NEMP1: variants seen among roughly 807,000 people sequenced by gnomAD.
NEMP1 encodes nuclear envelope integral membrane protein 1, also known as transmembrane protein 194.
NEMP1 carries 29 observed loss-of-function variants against 53.7 expected under a neutral mutation model. That is an observed-to-expected ratio of 0.54 (90% CI 0.40 to 0.74). The LOEUF is 0.74. NEMP1 is among the 30% of genes least tolerant of loss of function. The pLI, the probability that NEMP1 is intolerant of heterozygous loss-of-function variation, is 0.00. For missense variants in NEMP1, 477 were observed against 528.6 expected, an observed-to-expected ratio of 0.90 and a Z score of 0.96; for synonymous variants, 193 against 192.9, an observed-to-expected ratio of 1.00 and a Z score of 0.00.
intron 1 of NEMP1, among the ~76,000 whole-genome samples, chr12:57,078,363 G>A (rs988598657): frequency 1.3e-5 from 2 of 151,968 alleles, no homozygotes; most frequent in Admixed American, 6.6e-5. Context: ...ACCAGTCTAG[G>A]CCTCCCTTCC....
At chr12:57,073,562 T>C (rs1241626291) in intron 1 of NEMP1, among the ~76,000 whole-genome samples, 1 of 152,040 alleles carries the variant, frequency 6.6e-6, no homozygotes, top group Non-Finnish European at 1.5e-5. Context: ...GAGAATCACT[T>C]GAACTTGGGA....
intron 1 of NEMP1, among the ~76,000 whole-genome samples, chr12:57,087,257 G>A (rs1442851272): frequency 6.6e-6 from 1 of 152,186 alleles, no homozygotes; most frequent in East Asian, 1.9e-4. Context: ...CCTTGGGCGG[G>A]CGTCTCCCTC....
chr12:57,066,917 T>C (rs1000826641), intron 4 of NEMP1, among the ~76,000 whole-genome samples: 9 of 152,250 alleles, frequency 5.9e-5, no homozygotes, highest in Admixed American at 5.2e-4. Flanking sequence ...AAGATGTGCC[T>C]TTTGCATTCT....
intron 2 of NEMP1, among the ~76,000 whole-genome samples, chr12:57,071,170 A>G (rs2032328547): frequency 6.6e-6 from 1 of 152,332 alleles, no homozygotes; most frequent in Non-Finnish European, 1.5e-5. Flanking sequence ...AAGACTTCCA[A>G]ACTGAAAGAG....
chr12:57,061,861 T>C (rs945257220), intron 7 of NEMP1, among the ~76,000 whole-genome samples: 1 of 151,858 alleles, frequency 6.6e-6, no homozygotes, highest in African/African-American at 2.4e-5. Flanking sequence ...TAGCTGGGCA[T>C]GGTGGCATGT....
At chr12:57,073,257 C>T (rs1026559075) in intron 1 of NEMP1, among the ~76,000 whole-genome samples, 30 of 151,770 alleles carry the variant, frequency 2.0e-4, no homozygotes, top group Middle Eastern at 3.4e-3. Context: ...CCTGGGTTCA[C>T]GCCATTCTCC....
upstream of NEMP1, among the ~76,000 whole-genome samples, chr12:57,083,674 G>A (rs879412718): frequency 1.3e-5 from 2 of 152,238 alleles, no homozygotes; most frequent in African/African-American, 2.4e-5. Context: ...AGATGGAAAA[G>A]TGAAAACTAT....
upstream of NEMP1, among the ~76,000 whole-genome samples, chr12:57,083,592 G>A (rs1195455780): frequency 6.6e-6 from 1 of 152,168 alleles, no homozygotes; most frequent in Non-Finnish European, 1.5e-5. Flanking sequence ...AATGCATCAG[G>A]ACAGCACCCA....
rs1274393866 is a variant in NEMP1 at position 57,055,707 on chromosome 12, A to G, written c.*4172T>C. The G allele has an allele frequency of 6.6e-6, 1 of 152,266 alleles. No homozygotes were observed. Among genetic ancestry groups the G allele is most frequent in the Non-Finnish European group, 1.5e-5 (1 of 68,044 alleles). 9.4% of individuals were successfully genotyped at this position (152,266 alleles called of 1,614,324 possible). On this transcript the variant is annotated 3_prime_UTR_variant, in exon 9 of 9. Coordinates refer to ENST00000300128, the MANE Select transcript of NEMP1 (RefSeq NM_001130963.2). ...TACCAAAAACTTTAAAAATACATTA[A>G]GACATTGTTCTTTTTTCTTACAGAA...
chr12:57,061,982 A>G (rs1017088561), intron 7 of NEMP1, among the ~76,000 whole-genome samples: 1 of 152,054 alleles, frequency 6.6e-6, no homozygotes, highest in Non-Finnish European at 1.5e-5. Flanking sequence ...CTGGTGACAG[A>G]GCAAGACTCC....
chr12:57,073,618 T>G (rs1038392416), intron 1 of NEMP1, among the ~76,000 whole-genome samples: 4 of 152,064 alleles, frequency 2.6e-5, no homozygotes, highest in Admixed American at 2.6e-4. Context: ...CACCCCAGCC[T>G]GGGCAAAAAG....
intron 4 of NEMP1, among the ~76,000 whole-genome samples, chr12:57,067,709 T>C (rs2136497026): frequency 6.6e-6 from 1 of 152,322 alleles, no homozygotes; most frequent in African/African-American, 2.4e-5. Flanking sequence ...AAGATTAGGA[T>C]TAAAGGTCTT....
chr12:57,064,160 AC>A lies in NEMP1; in HGVS notation c.664del (p.Val222TrpfsTer13). 1 of 1,609,238 alleles carries A rather than the reference AC, an allele frequency of 6.2e-7. No homozygotes were observed. Among genetic ancestry groups the A allele is most frequent in the Non-Finnish European group, 8.5e-7 (1 of 1,178,322 alleles). On this transcript the variant is annotated frameshift_variant, in exon 6 of 9. Transcript: ENST00000300128. LOFTEE classifies it high-confidence loss of function. ...PKKSPIYVIL[V>X]GGWSFSLYLI... The stretch of plus-strand genomic sequence containing the variant: ...GTACAGAGAAAAAGACCAGCCTCCC[AC>A]CAGGATGACGTAAATGGGACTTTTC...
intron 2 of NEMP1, 146 bp from the exon 3 acceptor site, chr12:57,071,039 TAC>T: frequency 1.5e-6 from 1 of 646,494 alleles, no homozygotes; most frequent in South Asian, 2.0e-5. Context: ...AATATAGAAA[TAC>T]AGTGGCTAAA....
intron 1 of NEMP1, among the ~76,000 whole-genome samples, chr12:57,074,071 C>T (rs754680887): frequency 6.6e-6 from 1 of 151,650 alleles, no homozygotes; most frequent in Non-Finnish European, 1.5e-5. Context: ...TGGGCTCAAA[C>T]AATCCTCCCA....
intron 4 of NEMP1, among the ~76,000 whole-genome samples, chr12:57,066,590 C>T (rs1041256200): frequency 1.3e-5 from 2 of 152,164 alleles, no homozygotes; most frequent in African/African-American, 2.4e-5. Context: ...TGCTGTTTCT[C>T]AGGGAATAGG....
intron 2 of NEMP1, 114 bp downstream of exon 2, chr12:57,072,674 T>C (rs1241870553): frequency 1.8e-5 from 21 of 1,189,592 alleles, no homozygotes; most frequent in Admixed American, 4.9e-5. Flanking sequence ...CCTAACAAGA[T>C]TGTTAACAAC....
intron 4 of NEMP1, 95 bp downstream of exon 4, chr12:57,069,139 C>T (rs2032230495): frequency 2.6e-6 from 2 of 770,004 alleles, no homozygotes; most frequent in Non-Finnish European, 3.9e-6. Context: ...CATAAAGGTC[C>T]TGGAAATGGG....
At chr12:57,088,095 A>T (rs1480769812), upstream of NEMP1, 1 of 151,556 alleles carries the variant, frequency 6.6e-6, no homozygotes, top group African/African-American at 2.4e-5. Context: ...CTTCCACTAG[A>T]CTCTCGGGCG....
Sources: gnomAD v4.1 joint callset for allele counts (sites outside exome capture counted in the v4.1 genomes callset) on GRCh38, gnomAD v4.1.1 for gene constraint, MANE v1.5 for transcripts, NCBI Gene and HGNC (gene_info 2026-07-23, HGNC 2026-07-21) for gene names.